FRYL: variants seen among roughly 807,000 people sequenced by gnomAD.
FRYL encodes FRY like transcription coactivator.
FRYL carries 150 observed loss-of-function variants against 351.2 expected under a neutral mutation model. The observed-to-expected ratio is 0.43, with a 90% CI of 0.37 to 0.49. The LOEUF is 0.49. Among genes scored for constraint, FRYL ranks in the 20% least tolerant of loss-of-function variants. The pLI, the probability that FRYL is intolerant of heterozygous loss-of-function variation, is 0.00. For missense variants in FRYL, 3,036 were observed against 3,619.3 expected (o/e 0.84, Z 4.13); for synonymous variants, 1,153 against 1,257.1 (o/e 0.92, Z 1.75).
chr4:48,565,998 C>T (rs1736699276), intron 28 of FRYL, among the ~76,000 whole-genome samples: 2 of 152,180 alleles, frequency 1.3e-5, no homozygotes, highest in Non-Finnish European at 2.9e-5. Flanking sequence ...CCATTTCTCC[C>T]TGGGCTATCA....
intron 20 of FRYL, 59 bp from the exon 21 acceptor site, chr4:48,581,664 AAC>A (rs914068199): frequency 9.4e-6 from 13 of 1,388,700 alleles, no homozygotes; most frequent in African/African-American, 8.8e-5. Flanking sequence ...ATTTCCGAAA[AAC>A]AGTTAATAAA....
chr4:48,506,150 GACAA>G (rs1317548015), intron 59 of FRYL: 5 of 152,152 alleles, frequency 3.3e-5, no homozygotes, highest in South Asian at 2.1e-4. Context: ...AGTAATGAAT[GACAA>G]ACAAACATGT....
At chr4:48,657,612 C>T (rs1759523237) in intron 3 of FRYL, among the ~76,000 whole-genome samples, 1 of 152,036 alleles carries the variant, frequency 6.6e-6, no homozygotes, top group Non-Finnish European at 1.5e-5. Context: ...TATCACATAC[C>T]TCATCACCAT....
At chr4:48,761,073 T>G (rs1162796017) in intron 1 of FRYL, among the ~76,000 whole-genome samples, 1 of 149,158 alleles carries the variant, frequency 6.7e-6, no homozygotes, top group Non-Finnish European at 1.5e-5. Context: ...ATACAAAAAG[T>G]AAGGATCTTC....
rs141323251 is a variant in FRYL, at chr4:48,704,325, C to T, written c.-204+6194G>A. ...AGCCATATAAAAAGATATTCAATATCACTCACAAAGGGGAAATTAACACTA... is the reference window on the plus strand; with the variant it reads ...AGCCATATAAAAAGATATTCAATATTACTCACAAAGGGGAAATTAACACTA... On this transcript the variant is annotated intron_variant, in intron 2 of 63. Transcript: ENST00000358350. 6.6e-5 allele frequency among the ~76,000 whole-genome samples: 10 copies of T among 152,238 alleles called. No individual in the cohort carries two copies. In the East Asian group the frequency reaches 1.2e-3, roughly 18 times the overall value.
At chr4:48,512,414 T>C in intron 57 of FRYL, 67 bp downstream of exon 57, 1 of 1,307,824 alleles carries the variant, frequency 7.6e-7, no homozygotes. Flanking sequence ...ATGCTGATTT[T>C]AGAAGAAAAA....
intron 34 of FRYL, 28 bp downstream of exon 34, chr4:48,557,425 G>C: frequency 6.2e-7 from 1 of 1,610,814 alleles, no homozygotes; most frequent in Non-Finnish European, 8.5e-7. Context: ...ATTCTGTGCA[G>C]CAATTATAAA....
At chr4:48,657,353 CTTTTTTTT>C (rs371640944) in intron 3 of FRYL, among the ~76,000 whole-genome samples, 7 of 122,382 alleles carry the variant, frequency 5.7e-5, no homozygotes, top group African/African-American at 1.2e-4. Flanking sequence ...CTTTTCTTTT[CTTTTTTTT>C]TTTTTTTTTT....
chr4:48,715,451 A>G (rs1768680173), intron 1 of FRYL, among the ~76,000 whole-genome samples: 2 of 152,212 alleles, frequency 1.3e-5, no homozygotes, highest in East Asian at 3.9e-4. Context: ...CAATGTACAA[A>G]AATCACAAGC....
rs1163341525 is a variant in FRYL at position 48,671,858 on chromosome 4, CAAAAAAAAAAAAAACAAAAAAA to C, written c.-81+12793_-81+12814del. The stretch of plus-strand genomic sequence containing the variant: ...AGAGAGAGAGACTCCGTCTCAAAAA[CAAAAAAAAAAAAAACAAAAAAA>C]AAAAAAAAAAAGAAGGAAAGACAGA... On this transcript the variant is annotated intron_variant, in intron 3 of 63. Transcript: ENST00000358350. Among the ~76,000 whole-genome samples, 8 of 22,400 alleles carry C rather than the reference CAAAAAAAAAAAAAACAAAAAAA, an allele frequency of 3.6e-4. 1 individual carries two copies. Among genetic ancestry groups the C allele is most frequent in the East Asian group, 3.9e-3 (2 of 516 alleles). The allele number at this position is 22,400 out of a possible 152,430, so 14.7% of individuals were successfully genotyped here.
chr4:48,690,841 T>C (rs1765616397), intron 2 of FRYL, among the ~76,000 whole-genome samples: 1 of 152,214 alleles, frequency 6.6e-6, no homozygotes, highest in Admixed American at 6.5e-5. Flanking sequence ...AGCTATATTT[T>C]ACATGTTTAT....
intron 1 of FRYL, among the ~76,000 whole-genome samples, chr4:48,768,950 G>GCGA (rs1775246737): frequency 6.6e-6 from 1 of 152,104 alleles, no homozygotes; most frequent in Admixed American, 6.6e-5. Context: ...GGACAACACA[G>GCGA]CGACGCCCTG....
chr4:48,698,457 T>C (rs1766415367), intron 2 of FRYL, among the ~76,000 whole-genome samples: 1 of 152,246 alleles, frequency 6.6e-6, no homozygotes, highest in Admixed American at 6.5e-5. Context: ...ACACACCCTC[T>C]GAGTTACACA....
chr4:48,731,974 C>T (rs950014624), intron 1 of FRYL, among the ~76,000 whole-genome samples: 1 of 152,164 alleles, frequency 6.6e-6, no homozygotes, highest in African/African-American at 2.4e-5. Context: ...AAGAAACTAT[C>T]ATCAGAGTGA....
At chr4:48,743,346 C>T (rs1314456680) in intron 1 of FRYL, among the ~76,000 whole-genome samples, 1 of 151,786 alleles carries the variant, frequency 6.6e-6, no homozygotes, top group East Asian at 1.9e-4. Flanking sequence ...TTCAAAGAGG[C>T]TTAGAGATGA....
At chr4:48,596,373 T>C (rs1055221459) in intron 13 of FRYL, among the ~76,000 whole-genome samples, 9 of 152,166 alleles carry the variant, frequency 5.9e-5, no homozygotes, top group Non-Finnish European at 1.2e-4. Context: ...CAGAATTCAT[T>C]TGTAGCCCAT....
At chr4:48,525,923 TGAG>T (rs921612705) in intron 53 of FRYL, among the ~76,000 whole-genome samples, 13 of 152,104 alleles carry the variant, frequency 8.5e-5, no homozygotes, top group South Asian at 6.2e-4. Context: ...GAGCTGTATA[TGAG>T]TAGTATATGT....
intron 3 of FRYL, among the ~76,000 whole-genome samples, chr4:48,644,542 A>G (rs1240279683): frequency 6.6e-6 from 1 of 150,718 alleles, no homozygotes; most frequent in African/African-American, 2.4e-5. Flanking sequence ...CAGGGTAAGA[A>G]TTCACATGGG....
At chr4:48,625,853 AAAGT>A (rs1446201385) in intron 4 of FRYL, among the ~76,000 whole-genome samples, 6 of 152,206 alleles carry the variant, frequency 3.9e-5, no homozygotes, top group Admixed American at 2.6e-4. Context: ...AAAAGGAAAG[AAAGT>A]ATGTATATAT....
Sources: gnomAD v4.1 joint callset for allele counts (sites outside exome capture counted in the v4.1 genomes callset) on GRCh38, gnomAD v4.1.1 for gene constraint, MANE v1.5 for transcripts, NCBI Gene and HGNC (gene_info 2026-07-23, HGNC 2026-07-21) for gene names.